BRINP3: variants seen among roughly 807,000 people sequenced by gnomAD.
BRINP3 encodes the protein BMP/retinoic acid-inducible neural-specific protein 3.
A neutral mutation model predicts 71.0 loss-of-function variants in BRINP3; 19 were observed. That is an observed-to-expected ratio of 0.27 (90% CI 0.19 to 0.39). BRINP3 has a LOEUF of 0.39. Among genes scored for constraint, BRINP3 ranks in the 10% least tolerant of loss-of-function variants. The probability of loss-of-function intolerance (pLI) is 1.00; values close to 1 mark genes in which losing one functional copy is unlikely to be tolerated. For missense variants in BRINP3, 959 were observed against 940.8 expected (o/e 1.02, Z -0.25); for synonymous variants, 380 against 337.7 (o/e 1.13, Z -1.37).
At chr1:190,127,194 T>G (rs1357511699) in intron 7 of BRINP3, among the ~76,000 whole-genome samples, 1 of 151,804 alleles carries the variant, frequency 6.6e-6, no homozygotes, top group South Asian at 2.1e-4. Context: ...TTTTTATTTC[T>G]GAACTAAAGA....
intron 2 of BRINP3, among the ~76,000 whole-genome samples, chr1:190,365,961 C>T (rs534742501): frequency 1.3e-4 from 20 of 151,676 alleles, no homozygotes; most frequent in Admixed American, 2.0e-4. Context: ...GAAATAATGG[C>T]TTTCCAAAGA....
intron 2 of BRINP3, among the ~76,000 whole-genome samples, chr1:190,297,990 T>C (rs894093951): frequency 6.6e-6 from 1 of 152,138 alleles, no homozygotes; most frequent in African/African-American, 2.4e-5. Flanking sequence ...GAAGATTTAT[T>C]TGGAGTTTTT....
intron 7 of BRINP3, among the ~76,000 whole-genome samples, chr1:190,120,520 G>T (rs1229379075): frequency 6.6e-6 from 1 of 151,512 alleles, no homozygotes; most frequent in Non-Finnish European, 1.5e-5. Flanking sequence ...TTTTGAGATT[G>T]TGTCTCACTC....
At chr1:190,286,815 A>G (rs1370665542) in intron 2 of BRINP3, among the ~76,000 whole-genome samples, 2 of 152,134 alleles carry the variant, frequency 1.3e-5, no homozygotes, top group Non-Finnish European at 2.9e-5. Flanking sequence ...TAACGATAAC[A>G]TTCTAATTAC....
intron 3 of BRINP3, among the ~76,000 whole-genome samples, chr1:190,271,234 A>C (rs955304385): frequency 6.6e-6 from 1 of 151,664 alleles, no homozygotes; most frequent in Non-Finnish European, 1.5e-5. Context: ...ATGTATAATC[A>C]GTTTTAGTTT....
intron 2 of BRINP3, among the ~76,000 whole-genome samples, chr1:190,407,475 G>C (rs1206535037): frequency 6.6e-6 from 1 of 152,044 alleles, no homozygotes; most frequent in Non-Finnish European, 1.5e-5. Context: ...GTCAGTCAAT[G>C]ATACTGACAC....
chr1:190,327,340 AAAAAAAAAAAGG>A (rs1666662802), intron 2 of BRINP3, among the ~76,000 whole-genome samples: 2 of 143,360 alleles, frequency 1.4e-5, no homozygotes, highest in Non-Finnish European at 3.0e-5. Flanking sequence ...AAAAAAAAAA[AAAAAAAAAAAGG>A]AAAAAAAAAA....
At chr1:190,367,358 G>T (rs1669573468) in intron 2 of BRINP3, among the ~76,000 whole-genome samples, 1 of 152,182 alleles carries the variant, frequency 6.6e-6, no homozygotes, top group African/African-American at 2.4e-5. Flanking sequence ...CTGGGATGCA[G>T]GACACCATGT....
intron 4 of BRINP3, among the ~76,000 whole-genome samples, chr1:190,264,360 C>T (rs1368258670): frequency 6.6e-6 from 1 of 152,056 alleles, no homozygotes; most frequent in Non-Finnish European, 1.5e-5. Context: ...TCCTAGAAAC[C>T]CATATAACCA....
chr1:190,203,459 ATATG>A (rs1351458948), intron 6 of BRINP3, among the ~76,000 whole-genome samples: 2 of 147,648 alleles, frequency 1.4e-5, no homozygotes, highest in Non-Finnish European at 3.0e-5. Flanking sequence ...GTGTATATAT[ATATG>A]TGTGTGTGTG....
chr1:190,476,079 G>A (rs1433024583), intron 1 of BRINP3: 1 of 151,972 alleles, frequency 6.6e-6, no homozygotes, highest in African/African-American at 2.4e-5. Context: ...TTCCCTCTCG[G>A]TGGGAGTCAA....
intron 4 of BRINP3, among the ~76,000 whole-genome samples, chr1:190,238,653 T>C (rs184911394): frequency 1.2e-4 from 18 of 151,902 alleles, no homozygotes; most frequent in African/African-American, 3.9e-4. Flanking sequence ...GACAATACAG[T>C]GGAGAAACTG....
intron 7 of BRINP3, among the ~76,000 whole-genome samples, chr1:190,139,144 T>C (rs1655214685): frequency 6.7e-6 from 1 of 149,986 alleles, no homozygotes; most frequent in Non-Finnish European, 1.5e-5. Context: ...GAAGACCGCA[T>C]CATAGAAAAA....
chr1:190,342,344 G>C (rs1667715528), intron 2 of BRINP3: 1 of 137,728 alleles, frequency 7.3e-6, no homozygotes, highest in East Asian at 2.2e-4. Context: ...CCACTATTCT[G>C]CTTACATATT....
intron 2 of BRINP3, among the ~76,000 whole-genome samples, chr1:190,354,730 ACT>A (rs1668617899): frequency 6.7e-6 from 1 of 148,990 alleles, no homozygotes; most frequent in African/African-American, 2.5e-5. Flanking sequence ...GCCATTTCTC[ACT>A]GTTTCCACTG....
At chr1:190,470,138 T>A (rs1006869112) in intron 1 of BRINP3, among the ~76,000 whole-genome samples, 2 of 151,032 alleles carry the variant, frequency 1.3e-5, no homozygotes, top group African/African-American at 4.8e-5. Context: ...AATAGTGCAA[T>A]ATTTTAGAGA....
At chr1:190,356,053 C>T (rs1668709927) in intron 2 of BRINP3, among the ~76,000 whole-genome samples, 1 of 151,912 alleles carries the variant, frequency 6.6e-6, no homozygotes, top group Non-Finnish European at 1.5e-5. Context: ...AGGTGTCAGT[C>T]ACTCAAAATG....
chr1:190,160,806 G>A lies in BRINP3; in HGVS notation c.1046C>T (p.Ser349Phe). The change falls in exon 7 of 8, where the codon TCT becomes TTT. Residue 349 changes from serine (S) to phenylalanine (F), a missense_variant. Coordinates refer to ENST00000367462, the MANE Select transcript of BRINP3 (RefSeq NM_199051.3). ...TTGTTCATAACGGCGCTGAAAATTA[G>A]AATCCATTGTCCACAAATGCATTAT... is the stretch of plus-strand genomic sequence containing the variant. Reference protein sequence around the residue: ...STIMHLWTMDSNFQRRYEQLE... With the variant: ...STIMHLWTMDFNFQRRYEQLE... 6.2e-7 allele frequency: 1 copy of A among 1,613,628 alleles called. No homozygotes were observed. The highest frequency in any genetic ancestry group is 8.5e-7 in the Non-Finnish European group (1 of 1,179,716).
Position 190,397,064 on chromosome 1 carries a change from G to C in BRINP3, c.236+57591C>G, listed in dbSNP as rs530684537. On this transcript the variant is annotated intron_variant, in intron 2 of 7. Transcript: ENST00000367462. ...AATGGATGTTGTGTTTGCCACTGTG[G>C]ACTAAGAATTAATTGGTCCTGTGAC... Among the ~76,000 whole-genome samples the C allele has an allele frequency of 3.3e-5, 5 of 151,930 alleles. No homozygotes were observed. In the East Asian group the frequency reaches 5.8e-4, roughly 18 times the overall value.
Sources: allele counts gnomAD v4.1 joint callset (sites outside exome capture counted in the v4.1 genomes callset), GRCh38; gene constraint gnomAD v4.1.1; transcripts MANE v1.5; gene names NCBI Gene and HGNC (gene_info 2026-07-23, HGNC 2026-07-21).